DTNA: variants seen among roughly 807,000 people sequenced by gnomAD.
DTNA encodes the protein dystrophin-related protein 3.
Under a neutral mutation model 100.7 loss-of-function variants are expected in DTNA, and 43 were observed. That is an observed-to-expected ratio of 0.43 (90% CI 0.33 to 0.55). DTNA has a LOEUF of 0.55. Among genes scored for constraint, DTNA ranks in the 20% least tolerant of loss-of-function variants. DTNA has a pLI of 0.04. For missense variants in DTNA, 798 were observed against 953.9 expected, an observed-to-expected ratio of 0.84 and a Z score of 2.15; for synonymous variants, 349 against 347.9, an observed-to-expected ratio of 1.00 and a Z score of -0.04.
chr18:34,739,178 TG>T (rs1177078563), intron 1 of DTNA, among the ~76,000 whole-genome samples: 6 of 152,216 alleles, frequency 3.9e-5, no homozygotes, highest in African/African-American at 1.4e-4. Context: ...AGGATATAAG[TG>T]GGATTTATAT....
chr18:34,647,327 C>T (rs1240979), intron 1 of DTNA, among the ~76,000 whole-genome samples: 17,544 of 152,096 alleles, frequency 0.12, 1,067 homozygotes, highest in African/African-American at 0.14. Flanking sequence ...ATTCACAGAA[C>T]CAGGCCCATT....
At chr18:34,770,113 A>G (rs555280858) in intron 3 of DTNA, among the ~76,000 whole-genome samples, 1 of 152,292 alleles carries the variant, frequency 6.6e-6, no homozygotes, top group African/African-American at 2.4e-5. Context: ...TGGTAATACC[A>G]TCGCATTAAG....
chr18:34,804,102 A>G (rs528104438), intron 4 of DTNA, among the ~76,000 whole-genome samples: 1 of 152,162 alleles, frequency 6.6e-6, no homozygotes, highest in African/African-American at 2.4e-5. Context: ...GTGATTTCCT[A>G]GACATCTAGG....
intron 1 of DTNA, among the ~76,000 whole-genome samples, chr18:34,676,040 A>G (rs2077358245): frequency 6.6e-6 from 1 of 152,202 alleles, no homozygotes; most frequent in South Asian, 2.1e-4. Context: ...GAATAATAAC[A>G]CGAATGTTAA....
At chr18:34,536,710 G>A (rs2043750034) in intron 1 of DTNA, among the ~76,000 whole-genome samples, 1 of 151,514 alleles carries the variant, frequency 6.6e-6, no homozygotes, top group Admixed American at 6.6e-5. Context: ...ATCTAATTTG[G>A]CTTTCTTTTT....
intron 1 of DTNA, among the ~76,000 whole-genome samples, chr18:34,667,236 A>T (rs1222402266): frequency 6.6e-6 from 1 of 151,924 alleles, no homozygotes; most frequent in Non-Finnish European, 1.5e-5. Context: ...TCTGTTATTG[A>T]TGTATAAGAA....
Position 34,682,272 on chromosome 18 carries a change from G to A in DTNA, c.-1-73704G>A, listed in dbSNP as rs1351133700. ...AAGCTGCTATAAACATCATATGTAG[G>A]TTTTTGTGTGGACACAAATTTTCAA... On this transcript the variant is annotated intron_variant, in intron 1 of 19. Transcript: ENST00000283365. Among the ~76,000 whole-genome samples, 3 of 152,166 alleles carry A rather than the reference G, an allele frequency of 2.0e-5. No homozygotes were observed. The East Asian group carries it at 5.8e-4, about 29-fold the overall frequency.
At position 34,735,429 on chromosome 18, in the gene DTNA, CTGTT is replaced by C. The variant is rs545331947; in HGVS notation, c.-1-20544_-1-20541del. ...TAACCATCACACCTATACTAAAAAACTGTTTGCCAAGTGTGGCAACCTTATATGC... is the reference window on the plus strand; with the variant it reads ...TAACCATCACACCTATACTAAAAAACTGCCAAGTGTGGCAACCTTATATGC... On this transcript the variant is annotated intron_variant, in intron 1 of 22. Coordinates refer to ENST00000444659, the MANE Select transcript of DTNA (RefSeq NM_001386795.1). Among the ~76,000 whole-genome samples the C allele has an allele frequency of 1.6e-3, 243 of 152,318 alleles. 2 individuals carry two copies. Among genetic ancestry groups the C allele is most frequent in the African/African-American group, 5.7e-3 (235 of 41,572 alleles).
At chr18:34,711,428 C>G (rs2082885135) in intron 1 of DTNA, among the ~76,000 whole-genome samples, 1 of 152,104 alleles carries the variant, frequency 6.6e-6, no homozygotes, top group African/African-American at 2.4e-5. Flanking sequence ...AACTTCTTTC[C>G]TTCCTCTTAG....
At chr18:34,831,077 T>C (rs1309454295) in intron 11 of DTNA, among the ~76,000 whole-genome samples, 3 of 152,228 alleles carry the variant, frequency 2.0e-5, no homozygotes, top group African/African-American at 4.8e-5. Context: ...TTTGGCATCA[T>C]GCCTCCTTTT....
rs1012702462 is a variant in DTNA, at chr18:34,519,895, C to T, written c.-2+26381C>T. Among the ~76,000 whole-genome samples, 6 of 152,242 alleles carry T rather than the reference C, an allele frequency of 3.9e-5. No individual in the cohort carries two copies. The South Asian group carries it at 6.2e-4, about 16-fold the overall frequency. On this transcript the variant is annotated intron_variant, in intron 1 of 19. Coordinates refer to the DTNA transcript ENST00000283365. ...TCACATGATTTGCTGGAGGCACACC[C>T]GGGTTTAAGCCCCTAGGTTCTCGTC...
chr18:34,732,892 C>A (rs1330269896), intron 1 of DTNA, among the ~76,000 whole-genome samples: 1 of 152,136 alleles, frequency 6.6e-6, no homozygotes, highest in Admixed American at 6.5e-5. Flanking sequence ...CATTCTGGCA[C>A]TGGGGAAATG....
At chr18:34,643,842 T>C (rs2148412223) in intron 1 of DTNA, among the ~76,000 whole-genome samples, 1 of 152,320 alleles carries the variant, frequency 6.6e-6, no homozygotes, top group Non-Finnish European at 1.5e-5. Context: ...AATTACATGA[T>C]TTGTTAAATA....
intron 2 of DTNA, among the ~76,000 whole-genome samples, chr18:34,756,607 T>G (rs1308386980): frequency 2.0e-5 from 3 of 151,954 alleles, no homozygotes; most frequent in Non-Finnish European, 4.4e-5. Context: ...CTAAGGAAAA[T>G]AAAAGATAAA....
intron 1 of DTNA, among the ~76,000 whole-genome samples, chr18:34,542,305 C>A (rs16965406): frequency 0.073 from 11,067 of 151,924 alleles, 470 homozygotes; most frequent in South Asian, 0.11. Flanking sequence ...TTCAGAACAA[C>A]AGTCCAACTT....
chr18:34,789,873 A>C (rs2094641530), intron 3 of DTNA, among the ~76,000 whole-genome samples: 1 of 152,212 alleles, frequency 6.6e-6, no homozygotes, highest in East Asian at 1.9e-4. Context: ...CTCCTACATG[A>C]CATGCCCTAT....
intron 1 of DTNA, among the ~76,000 whole-genome samples, chr18:34,635,062 A>G (rs1330679941): frequency 6.6e-6 from 1 of 152,082 alleles, no homozygotes; most frequent in Non-Finnish European, 1.5e-5. Flanking sequence ...CCACCATTCT[A>G]TTCTACATTT....
chr18:34,796,872 T>C lies in DTNA; in HGVS notation c.362+2622T>C, dbSNP rs149356965. 4.6e-3 allele frequency among the ~76,000 whole-genome samples: 697 copies of C among 152,198 alleles called. 4 individuals are homozygous for C. Among genetic ancestry groups the C allele is most frequent in the Non-Finnish European group, 6.4e-3 (434 of 68,016 alleles). ...AGGATTGATGCCTCCTTTACTGGGA[T>C]GTACTTCTGAGAGCCAGACTTACCT... On this transcript the variant is annotated intron_variant, in intron 4 of 22. Transcript: ENST00000444659.
At chr18:34,618,808 T>C (rs974747323) in intron 1 of DTNA, among the ~76,000 whole-genome samples, 1 of 152,182 alleles carries the variant, frequency 6.6e-6, no homozygotes, top group African/African-American at 2.4e-5. Context: ...TTTTCATTCA[T>C]TTATCATCTA....
Sources: allele counts gnomAD v4.1 joint callset (sites outside exome capture counted in the v4.1 genomes callset), GRCh38; gene constraint gnomAD v4.1.1; transcripts MANE v1.5; gene names NCBI Gene and HGNC (gene_info 2026-07-23, HGNC 2026-07-21).